Variants in PCDHA3 observed in about 807,000 individuals in gnomAD.
PCDHA3 encodes the protein protocadherin alpha 3, also known as protocadherin alpha-3.
Under a neutral mutation model 62.2 loss-of-function variants are expected in PCDHA3, and 41 were observed. The observed-to-expected ratio is 0.66, with a 90% CI of 0.51 to 0.86. The LOEUF is 0.86. Among genes scored for constraint, PCDHA3 ranks in the 40% least tolerant of loss-of-function variants. The pLI is 0.00. For synonymous variants in PCDHA3, 640 were observed against 555.4 expected (o/e 1.15, Z -2.14); for missense variants, 1,304 against 1,241.2 (o/e 1.05, Z -0.76).
intron 1 of PCDHA3, among the ~76,000 whole-genome samples, chr5:140,941,058 T>C (rs1554213707): frequency 6.6e-6 from 1 of 152,106 alleles, no homozygotes; most frequent in East Asian, 1.9e-4. Context: ...TCCCCAGCAG[T>C]TTTCTGGGCT....
In PCDHA3 at chr5:140,967,951, C is replaced by G. The variant is rs150201840; in HGVS notation, c.2395-10998C>G. On this transcript the variant is annotated intron_variant, in intron 1 of 3. Transcript: ENST00000522353. ...TCAGTGTCAATGACCAAGACTCAGG[C>G]CCCAACCGGAAAGTGAGCCTGGGTC... 6 of 1,614,078 alleles carry G rather than the reference C, an allele frequency of 3.7e-6. No homozygotes were observed. The African/African-American group carries it at 6.7e-5, about 18-fold the overall frequency.
chr5:140,861,489 T>A, intron 1 of PCDHA3: 1 of 487,812 alleles, frequency 2.0e-6, no homozygotes, highest in South Asian at 1.6e-5. Context: ...TTTTGTGAGT[T>A]CTCTGATAGA....
chr5:140,859,351 A>T (rs2045821296), intron 1 of PCDHA3: 1 of 247,508 alleles, frequency 4.0e-6, no homozygotes, highest in Non-Finnish European at 7.7e-6. Context: ...TTTTCTACTG[A>T]TCTGATATAT....
chr5:140,830,164 G>A, intron 1 of PCDHA3: 1 of 1,613,544 alleles, frequency 6.2e-7, no homozygotes, highest in Non-Finnish European at 8.5e-7. Context: ...GCCCAGAGGC[G>A]GCGCTGGTGG....
intron 1 of PCDHA3, chr5:140,870,212 T>C (rs2051764636): frequency 6.2e-7 from 1 of 1,614,076 alleles, no homozygotes; most frequent in Non-Finnish European, 8.5e-7. Context: ...GTCATTGCCC[T>C]GATCAGCGTG....
At chr5:140,884,538 G>A (rs781889228) in intron 1 of PCDHA3, 21 of 1,613,994 alleles carry the variant, frequency 1.3e-5, no homozygotes, top group Non-Finnish European at 1.8e-5. Context: ...AGGCGGCCGA[G>A]GGTGTGCTCT....
In PCDHA3 at chr5:140,802,262, A is replaced by C. The variant is rs782016322; in HGVS notation, c.1065A>C (p.Leu355=). ...DNVPELVIQS[L]SLPVLEDSPL... is the part of the protein sequence containing the mutation. ...TACCTGAGTTAGTTATTCAATCACT[A>C]TCTTTACCTGTATTAGAAGACTCTC... Residue 355 remains leucine (L), a synonymous_variant, in exon 1 of 4, where the codon CTA becomes CTC. Transcript: ENST00000522353. 5 of 1,614,236 alleles carry C rather than the reference A, an allele frequency of 3.1e-6. No individual in the cohort carries two copies. Among genetic ancestry groups the C allele is most frequent in the Non-Finnish European group, 4.2e-6 (5 of 1,180,032 alleles).
rs140058365 is a variant in PCDHA3 at position 140,928,379 on chromosome 5, G to A, written c.2395-50570G>A. 5.7e-4 allele frequency: 913 copies of A among 1,614,172 alleles called. 5 individuals are homozygous for A. The African/African-American group carries it at 0.01, about 18-fold the overall frequency. On this transcript the variant is annotated intron_variant, in intron 1 of 3. Transcript: ENST00000522353. ...ATCTCTGAAGGGCCATCAGCCTCTA[G>A]CTTGCTGGCAGTGGAATCATCCAGT...
At chr5:140,891,586 A>C (rs1296110221) in intron 1 of PCDHA3, among the ~76,000 whole-genome samples, 1 of 151,924 alleles carries the variant, frequency 6.6e-6, no homozygotes, top group Non-Finnish European at 1.5e-5. Flanking sequence ...TAATCTTATT[A>C]CTCTATCCCA....
rs781985413 is a variant in PCDHA3 at position 140,857,290 on chromosome 5, C to T, written c.2394+53699C>T. On this transcript the variant is annotated intron_variant, in intron 1 of 3. Coordinates refer to ENST00000522353, the MANE Select transcript of PCDHA3 (RefSeq NM_018906.3). ...TGGTGCTGGACAGCGCTCTGGACCG[C>T]GAGAGGGTGTCGGCCTATGAGCTGG... 16 of 1,598,706 alleles carry T rather than the reference C, an allele frequency of 1.0e-5. 2 individuals carry two copies. Among genetic ancestry groups the T allele is most frequent in the Non-Finnish European group, 1.4e-5 (16 of 1,168,040 alleles).
intron 1 of PCDHA3, among the ~76,000 whole-genome samples, chr5:140,917,501 A>G (rs557906425): frequency 6.6e-6 from 1 of 152,020 alleles, no homozygotes; most frequent in East Asian, 1.9e-4. Context: ...CCAGAATGAT[A>G]TTTTCTAGGT....
rs2150132919 is a variant in PCDHA3, at chr5:140,824,166, A to G, written c.2394+20575A>G. 16 of 1,610,082 alleles carry G rather than the reference A, an allele frequency of 9.9e-6. No homozygotes were observed. The South Asian group carries it at 1.8e-4, about 18-fold the overall frequency. ...TATTAACATCCATCTTTCCCTCCCA[A>G]TTTTCAAATATTAAATGTCACATTC... is the stretch of plus-strand genomic sequence containing the variant. On this transcript the variant is annotated intron_variant, in intron 1 of 3. Transcript: ENST00000522353.
chr5:140,809,351 C>T (rs1764438063), intron 1 of PCDHA3: 1 of 1,613,898 alleles, frequency 6.2e-7, no homozygotes, highest in Non-Finnish European at 8.5e-7. Flanking sequence ...CACCGCGCTG[C>T]GGTGCTCTGC....
At chr5:140,896,599 A>G (rs1247154870) in intron 1 of PCDHA3, among the ~76,000 whole-genome samples, 1 of 151,478 alleles carries the variant, frequency 6.6e-6, no homozygotes, top group African/African-American at 2.4e-5. Context: ...CTGGTCTCGA[A>G]CTCCTGGTCT....
chr5:141,007,551 GA>G (rs1554261384), intron 3 of PCDHA3, among the ~76,000 whole-genome samples: 1 of 152,140 alleles, frequency 6.6e-6, no homozygotes, highest in African/African-American at 2.4e-5. Flanking sequence ...TTGGGCAACA[GA>G]GCAAGGCTCT....
intron 1 of PCDHA3, chr5:140,884,038 G>A (rs1554181095): frequency 6.2e-7 from 1 of 1,613,432 alleles, no homozygotes; most frequent in South Asian, 1.1e-5. Context: ...CAGGCCACGT[G>A]GTGGCGAAGG....
chr5:140,966,934 G>A (rs782780798), intron 1 of PCDHA3: 6 of 1,604,080 alleles, frequency 3.7e-6, no homozygotes, highest in South Asian at 2.2e-5. Flanking sequence ...CACCCGGCGC[G>A]CTCGTGGGCA....
At chr5:140,808,537 C>G in intron 1 of PCDHA3, 1 of 1,614,170 alleles carries the variant, frequency 6.2e-7, no homozygotes, top group Non-Finnish European at 8.5e-7. Context: ...ATGTGAACGA[C>G]AACGCTCCGG....
At chr5:140,869,140 C>A in intron 1 of PCDHA3, 8 of 1,613,188 alleles carry the variant, frequency 5.0e-6, no homozygotes, top group African/African-American at 1.3e-5. Context: ...GGGCACCCCA[C>A]GACTACAGCT....
Sources: gnomAD v4.1 joint callset for allele counts (sites outside exome capture counted in the v4.1 genomes callset) on GRCh38, gnomAD v4.1.1 for gene constraint, MANE v1.5 for transcripts, NCBI Gene and HGNC (gene_info 2026-07-23, HGNC 2026-07-21) for gene names.